The following TMEM178B variants were observed in gnomAD, a reference collection of about 807,000 sequenced individuals.
TMEM178B encodes the protein transmembrane protein 178B.
Under a neutral mutation model 31.0 loss-of-function variants are expected in TMEM178B, and 5 were observed. That is an observed-to-expected ratio of 0.16 (90% CI 0.08 to 0.34). The LOEUF (loss-of-function observed/expected upper bound fraction) is 0.34. Among genes scored for constraint, TMEM178B ranks in the 10% least tolerant of loss-of-function variants. The pLI is 1.00. For synonymous variants in TMEM178B, 164 were observed against 164.0 expected, an observed-to-expected ratio of 1.00 and a Z score of 0.00; for missense variants, 275 against 400.3, an observed-to-expected ratio of 0.69 and a Z score of 2.67.
At chr7:141,446,036 G>T (rs950887024) in intron 3 of TMEM178B, among the ~76,000 whole-genome samples, 13 of 152,180 alleles carry the variant, frequency 8.5e-5, no homozygotes, top group African/African-American at 2.9e-4. Context: ...AATCAGGGAG[G>T]GGGTAAGTCA....
chr7:141,441,846 C>T (rs970442820), intron 3 of TMEM178B, among the ~76,000 whole-genome samples: 2 of 152,194 alleles, frequency 1.3e-5, no homozygotes, highest in African/African-American at 4.8e-5. Flanking sequence ...GGGCACCCTG[C>T]ACCCTGGGAA....
At chr7:141,187,772 C>A (rs1372552791) in intron 1 of TMEM178B, among the ~76,000 whole-genome samples, 1 of 152,126 alleles carries the variant, frequency 6.6e-6, no homozygotes, top group African/African-American at 2.4e-5. Context: ...ATCCTTCGCC[C>A]ACTTTTTGAT....
chr7:141,503,398 T>C, the TMEM178B span, among the ~76,000 whole-genome samples: 1 of 152,238 alleles, frequency 6.6e-6, no homozygotes, highest in African/African-American at 2.4e-5. Context: ...CCTATGCTGG[T>C]AGCCACTAGT....
At position 141,085,582 on chromosome 7, in the gene TMEM178B, A is replaced by G. The variant is rs192233215; in HGVS notation, c.382+10890A>G. Among the ~76,000 whole-genome samples the G allele has an allele frequency of 8.0e-4, 121 of 151,886 alleles. 3 individuals are homozygous for G. Among genetic ancestry groups the G allele is most frequent in the Admixed American group, 6.8e-3 (103 of 15,252 alleles). ...GCTTTTTAAAATGCCCTGCTGTTCT[A>G]TATTCTGGAGCTCACTCTGTTGGAC... On this transcript the variant is annotated intron_variant, in intron 1 of 3. Coordinates refer to ENST00000565468, the MANE Select transcript of TMEM178B (RefSeq NM_001195278.2).
chr7:141,226,209 G>A (rs1797339070), intron 2 of TMEM178B, among the ~76,000 whole-genome samples: 1 of 151,846 alleles, frequency 6.6e-6, no homozygotes, highest in Non-Finnish European at 1.5e-5. Context: ...GAGCTCATGG[G>A]AACACCCTCT....
intron 1 of TMEM178B, among the ~76,000 whole-genome samples, chr7:141,106,625 C>T (rs112569484): frequency 2.0e-5 from 3 of 152,318 alleles, no homozygotes; most frequent in African/African-American, 7.2e-5. Context: ...TCTGAAGTAA[C>T]AACTAGATAA....
chr7:141,253,754 G>A (rs959810399), intron 2 of TMEM178B, among the ~76,000 whole-genome samples: 1 of 151,700 alleles, frequency 6.6e-6, no homozygotes, highest in Non-Finnish European at 1.5e-5. Context: ...GTTTCACCAT[G>A]TTGGCCAGGC....
chr7:141,150,571 C>G (rs1795956039), intron 1 of TMEM178B, among the ~76,000 whole-genome samples: 1 of 152,228 alleles, frequency 6.6e-6, no homozygotes, highest in Non-Finnish European at 1.5e-5. Context: ...CTCCAGAGGT[C>G]TTTCAGCTTC....
chr7:141,417,467 C>T (rs373562522), intron 2 of TMEM178B, among the ~76,000 whole-genome samples: 8 of 152,300 alleles, frequency 5.3e-5, no homozygotes, highest in African/African-American at 1.9e-4. Context: ...GAGAGATAGA[C>T]CTCAGTGAAT....
chr7:141,129,452 G>A (rs773349149), intron 1 of TMEM178B, among the ~76,000 whole-genome samples: 15 of 152,120 alleles, frequency 9.9e-5, no homozygotes, highest in Admixed American at 6.5e-5. Context: ...CTTTACACAT[G>A]TACACACCCA....
chr7:141,157,901 C>G (rs1396410373), intron 1 of TMEM178B, among the ~76,000 whole-genome samples: 4 of 152,166 alleles, frequency 2.6e-5, no homozygotes, highest in Non-Finnish European at 5.9e-5. Flanking sequence ...CTCACTGGCT[C>G]TACTGTTCCC....
rs146962083 is a variant in TMEM178B, at chr7:141,215,788, TTC to T, written c.496+3086_496+3087del. 1.4e-3 allele frequency among the ~76,000 whole-genome samples: 98 copies of T among 67,708 alleles called. 2 individuals are homozygous for T. The highest frequency in any genetic ancestry group is 4.7e-3 in the African/African-American group (94 of 19,980). The allele number at this position is 67,708 out of a possible 152,430, so 44.4% of individuals were successfully genotyped here. A position where few individuals can be genotyped will look rare whatever the true frequency, so the allele number is the denominator to read the frequency against. ...GAATTATATACTTTCCTTTCTTTCT[TTC>T]TTTCTTTCTTTCTTTCTTTCTTTCT... On this transcript the variant is annotated intron_variant, in intron 2 of 3. Transcript: ENST00000565468.
rs1802066982 is a variant in TMEM178B, at chr7:141,461,983, A to G, written c.635-8553A>G. 1.3e-5 allele frequency among the ~76,000 whole-genome samples: 2 copies of G among 152,178 alleles called. 1 individual carries two copies. The highest frequency in any genetic ancestry group is 2.9e-5 in the Non-Finnish European group (2 of 68,020). On this transcript the variant is annotated intron_variant, in intron 3 of 3. Coordinates refer to ENST00000565468, the MANE Select transcript of TMEM178B (RefSeq NM_001195278.2). This position sits in a 1 kb window ranked among gnomAD's most constrained non-coding sequence, Gnocchi z 4.0. ...AGTGCTATCCCTACCTGGCACTTCT[A>G]ACATTAGCGACGCATTCCAGGGATC...
chr7:141,337,021 C>T (rs1435590527), intron 2 of TMEM178B, among the ~76,000 whole-genome samples: 2 of 88,584 alleles, frequency 2.3e-5, no homozygotes, highest in Admixed American at 1.0e-4. Context: ...CCACCATCAC[C>T]ACCATCACCA....
At chr7:141,348,386 G>T (rs1286075637) in intron 2 of TMEM178B, among the ~76,000 whole-genome samples, 1 of 152,178 alleles carries the variant, frequency 6.6e-6, no homozygotes, top group Non-Finnish European at 1.5e-5. Flanking sequence ...ACAGGGTGCT[G>T]GGCTTTTTTG....
intron 2 of TMEM178B, among the ~76,000 whole-genome samples, chr7:141,320,449 G>A (rs569263087): frequency 6.6e-6 from 1 of 152,230 alleles, no homozygotes; most frequent in East Asian, 1.9e-4. Flanking sequence ...CTCTGGGGAA[G>A]CAGAAACATG....
At chr7:141,125,986 C>A (rs1000455247) in intron 1 of TMEM178B, among the ~76,000 whole-genome samples, 3 of 152,216 alleles carry the variant, frequency 2.0e-5, no homozygotes, top group African/African-American at 7.2e-5. Context: ...TGCTAAGGGA[C>A]ACCACTGGCC....
intron 3 of TMEM178B, among the ~76,000 whole-genome samples, chr7:141,440,351 C>T (rs1801634620): frequency 6.6e-6 from 1 of 152,178 alleles, no homozygotes; most frequent in Admixed American, 6.5e-5. Flanking sequence ...TAAAAAAATA[C>T]TGATGCTGGG....
At chr7:141,247,478 G>A (rs556354088) in intron 2 of TMEM178B, among the ~76,000 whole-genome samples, 5 of 152,248 alleles carry the variant, frequency 3.3e-5, no homozygotes, top group African/African-American at 1.2e-4. Context: ...AAGATCACAG[G>A]TTCTGCTCGA....
Sources: gnomAD v4.1 joint callset for allele counts (sites outside exome capture counted in the v4.1 genomes callset) on GRCh38, gnomAD v4.1.1 for gene constraint, Gnocchi (gnomAD v3.1) non-coding constraint, MANE v1.5 for transcripts, NCBI Gene and HGNC (gene_info 2026-07-23, HGNC 2026-07-21) for gene names.